NKAIN3: variants seen among roughly 807,000 people sequenced by gnomAD.
The protein encoded by NKAIN3 is sodium/potassium-transporting ATPase subunit beta-1-interacting protein 3.
Under a neutral mutation model 30.2 loss-of-function variants are expected in NKAIN3, and 25 were observed. The observed-to-expected ratio is 0.83, with a 90% CI of 0.60 to 1.16. The LOEUF (loss-of-function observed/expected upper bound fraction) is 1.16, where lower values mean the gene tolerates loss of function less well. NKAIN3 is among the 50% of genes most tolerant of loss of function. The pLI is 0.00. For missense variants in NKAIN3, 225 were observed against 254.1 expected, an observed-to-expected ratio of 0.89 and a Z score of 0.78; for synonymous variants, 91 against 89.6, an observed-to-expected ratio of 1.02 and a Z score of -0.09.
At chr8:62,316,427 C>CA (rs1814630643) in intron 1 of NKAIN3, among the ~76,000 whole-genome samples, 1 of 151,888 alleles carries the variant, frequency 6.6e-6, no homozygotes, top group African/African-American at 2.4e-5. Context: ...CTATCCCCCC[C>CA]CTCCTCCCAC....
chr8:62,678,867 C>A (rs1482311989), intron 3 of NKAIN3, among the ~76,000 whole-genome samples: 1 of 151,962 alleles, frequency 6.6e-6, no homozygotes, highest in Non-Finnish European at 1.5e-5. Context: ...CACATGAATA[C>A]TAATTTAGCT....
intron 1 of NKAIN3, among the ~76,000 whole-genome samples, chr8:62,287,717 G>A (rs1813426271): frequency 6.6e-6 from 1 of 151,840 alleles, no homozygotes. Context: ...TAAAATTTTA[G>A]CCTATTAAAA....
intron 1 of NKAIN3, among the ~76,000 whole-genome samples, chr8:62,500,667 G>A (rs1364085789): frequency 5.3e-5 from 8 of 152,120 alleles, no homozygotes; most frequent in Non-Finnish European, 1.0e-4. Flanking sequence ...AACATAGGCT[G>A]TATTTGACAC....
intron 4 of NKAIN3, among the ~76,000 whole-genome samples, chr8:62,916,680 G>C (rs1822114723): frequency 6.6e-6 from 1 of 152,118 alleles, no homozygotes; most frequent in Non-Finnish European, 1.5e-5. Context: ...CTCAGCTTGG[G>C]CCTGATTTCA....
At chr8:62,390,462 T>C (rs1444874063) in intron 1 of NKAIN3, among the ~76,000 whole-genome samples, 1 of 152,216 alleles carries the variant, frequency 6.6e-6, no homozygotes, top group Non-Finnish European at 1.5e-5. Context: ...GGCATTTAGA[T>C]TGATTTCATG....
intron 4 of NKAIN3, among the ~76,000 whole-genome samples, chr8:62,786,787 T>C (rs1001812578): frequency 3.2e-4 from 49 of 152,196 alleles, no homozygotes; most frequent in African/African-American, 1.1e-3. Flanking sequence ...GTCAGTAAAG[T>C]AGGAAACCCT....
At chr8:62,525,056 G>A (rs1021385821) in intron 1 of NKAIN3, among the ~76,000 whole-genome samples, 2 of 152,016 alleles carry the variant, frequency 1.3e-5, no homozygotes, top group Admixed American at 6.6e-5. Context: ...CCCTTGAAGG[G>A]TAAATGATTT....
chr8:62,323,007 A>G (rs972500058), intron 1 of NKAIN3, among the ~76,000 whole-genome samples: 1 of 152,218 alleles, frequency 6.6e-6, no homozygotes, highest in Admixed American at 6.5e-5. Context: ...TAGAATGGCT[A>G]AATTCAAAAC....
At chr8:62,384,293 G>A (rs58756888) in intron 1 of NKAIN3, among the ~76,000 whole-genome samples, 20,851 of 152,032 alleles carry the variant, frequency 0.14, 1,725 homozygotes, top group East Asian at 0.4. Context: ...TATAGTTAAC[G>A]TTACGCAGTT....
At position 62,478,908 on chromosome 8, in the gene NKAIN3, C is replaced by CCAAGGAGGTTCTCG. The variant is rs1211142560; in HGVS notation, c.55-100618_55-100605dup. Among the ~76,000 whole-genome samples the CCAAGGAGGTTCTCG allele has an allele frequency of 3.2e-4, 49 of 152,256 alleles. No homozygotes were observed. The East Asian group carries it at 9.1e-3, about 28-fold the overall frequency. ...GCTGGGTATGACATTTTGCTGGACA[C>CCAAGGAGGTTCTCG]CAAGGAGGTTCTCGCAAGGAGGTTC... On this transcript the variant is annotated intron_variant, in intron 1 of 6. Coordinates refer to ENST00000623646, the MANE Select transcript of NKAIN3 (RefSeq NM_001304533.3).
chr8:62,914,560 A>T (rs865994738), intron 4 of NKAIN3, among the ~76,000 whole-genome samples: 2 of 152,304 alleles, frequency 1.3e-5, no homozygotes, highest in Non-Finnish European at 2.9e-5. Context: ...TAGGTAGGAT[A>T]AAACATGGAC....
intron 1 of NKAIN3, among the ~76,000 whole-genome samples, chr8:62,316,660 T>G (rs1222401576): frequency 6.6e-6 from 1 of 152,238 alleles, no homozygotes; most frequent in Non-Finnish European, 1.5e-5. Flanking sequence ...TGCCACATTT[T>G]TTTAATCCAG....
intron 4 of NKAIN3, among the ~76,000 whole-genome samples, chr8:62,889,707 T>C (rs1165170211): frequency 6.6e-6 from 1 of 152,062 alleles, no homozygotes; most frequent in Non-Finnish European, 1.5e-5. Flanking sequence ...AGACACAACA[T>C]AGAATTCCAG....
At chr8:62,802,626 G>A (rs1036306421) in intron 4 of NKAIN3, among the ~76,000 whole-genome samples, 1 of 152,140 alleles carries the variant, frequency 6.6e-6, no homozygotes, top group Non-Finnish European at 1.5e-5. Flanking sequence ...ACTAAACATG[G>A]AAAGGAACAA....
At chr8:62,518,597 A>C (rs1352828801) in intron 1 of NKAIN3, among the ~76,000 whole-genome samples, 13 of 152,168 alleles carry the variant, frequency 8.5e-5, no homozygotes, top group Admixed American at 8.5e-4. Flanking sequence ...ATATGATTTC[A>C]TCATGATTTA....
chr8:62,482,121 C>A (rs950069290), intron 1 of NKAIN3: 1 of 152,240 alleles, frequency 6.6e-6, no homozygotes, highest in Admixed American at 6.5e-5. Flanking sequence ...ACATAGTCTG[C>A]CTTTCACTGT....
rs564310812 is a variant in NKAIN3 at position 62,797,260 on chromosome 8, C to T, written c.471+50131C>T. Among the ~76,000 whole-genome samples, 8 of 152,262 alleles carry T rather than the reference C, an allele frequency of 5.3e-5. No homozygotes were observed. The East Asian group carries it at 1.5e-3, about 29-fold the overall frequency. On this transcript the variant is annotated intron_variant, in intron 4 of 6. Transcript: ENST00000623646. Reference sequence around the variant, plus strand: ...ACTTACATAAATGGGCTCTCTTGTTCACCCAAAGGTCAGGAAAATGCAGTC... The same window carrying T: ...ACTTACATAAATGGGCTCTCTTGTTTACCCAAAGGTCAGGAAAATGCAGTC...
intron 1 of NKAIN3, among the ~76,000 whole-genome samples, chr8:62,325,649 T>C (rs1815092029): frequency 6.6e-6 from 1 of 152,148 alleles, no homozygotes; most frequent in South Asian, 2.1e-4. Flanking sequence ...CATCTGTTGT[T>C]TTTTGACTTT....
intron 4 of NKAIN3, among the ~76,000 whole-genome samples, chr8:62,761,719 T>C (rs1056472252): frequency 6.6e-6 from 1 of 152,188 alleles, no homozygotes; most frequent in Non-Finnish European, 1.5e-5. Flanking sequence ...GCATCTTCTA[T>C]TAGAATATTG....
Sources: allele counts gnomAD v4.1 joint callset (sites outside exome capture counted in the v4.1 genomes callset), GRCh38; gene constraint gnomAD v4.1.1; transcripts MANE v1.5; gene names NCBI Gene and HGNC (gene_info 2026-07-23, HGNC 2026-07-21).